The following RASGRF2 variants were observed in gnomAD, a reference collection of about 807,000 sequenced individuals.
The protein encoded by RASGRF2 is ras-specific guanine nucleotide-releasing factor 2.
A neutral mutation model predicts 151.0 loss-of-function variants in RASGRF2; 76 were observed. That is an observed-to-expected ratio of 0.50 (90% confidence interval 0.42 to 0.61). The LOEUF is 0.61. RASGRF2 is among the 20% of genes least tolerant of loss of function. RASGRF2 has a pLI of 0.00. For synonymous variants in RASGRF2, 504 were observed against 566.5 expected, an observed-to-expected ratio of 0.89 and a Z score of 1.57; for missense variants, 1,148 against 1,564.6, an observed-to-expected ratio of 0.73 and a Z score of 4.49.
Position 81,001,481 on chromosome 5 carries a change from T to A in RASGRF2, c.288+40455T>A, listed in dbSNP as rs1418731045. 2.0e-5 allele frequency among the ~76,000 whole-genome samples: 3 copies of A among 151,628 alleles called. No homozygotes were observed. The East Asian group carries it at 5.8e-4, about 29-fold the overall frequency. On this transcript the variant is annotated intron_variant, in intron 1 of 26. Transcript: ENST00000265080. ...CTTTTTACATGTAAGTATGTCTGTT[T>A]TCACTGCCATTCTGGGCCTCAGATC...
intron 22 of RASGRF2, among the ~76,000 whole-genome samples, chr5:81,209,372 T>C (rs868792694): frequency 9.9e-5 from 15 of 152,154 alleles, no homozygotes; most frequent in South Asian, 4.1e-4. Flanking sequence ...TTCTGGCCTA[T>C]CCAGGCAACG....
intron 23 of RASGRF2, among the ~76,000 whole-genome samples, chr5:81,215,655 G>T (rs1755720958): frequency 6.6e-6 from 1 of 152,184 alleles, no homozygotes; most frequent in Non-Finnish European, 1.5e-5. Context: ...TTGGCTAAAT[G>T]TGTAGATACA....
intron 3 of RASGRF2, 135 bp downstream of exon 3, chr5:81,068,314 G>A: frequency 1.1e-6 from 1 of 942,612 alleles, no homozygotes; most frequent in South Asian, 2.0e-5. Flanking sequence ...ACGTGGCTGG[G>A]CCTGACCTAG....
rs1169367433 is a variant in RASGRF2 at position 80,960,725 on chromosome 5, T to G, written c.-14T>G. On this transcript the variant is annotated 5_prime_UTR_variant, in exon 1 of 27. Transcript: ENST00000265080. The surrounding 1 kb of genome is among the most constrained non-coding windows in gnomAD (Gnocchi z 5.5). ...GAGACCGGCGGCCACCCGTGAGCCC[T>G]CCGCACCCGCACCATGCAGAAGAGC... is the stretch of plus-strand genomic sequence containing the variant. 3.3e-6 allele frequency: 5 copies of G among 1,531,446 alleles called. No homozygotes were observed. The highest frequency in any genetic ancestry group is 1.8e-5 in the Admixed American group (1 of 54,480). The allele number at this position is 1,531,446 out of a possible 1,614,324, so 94.9% of individuals were successfully genotyped here.
chr5:81,114,319 C>G (rs1388982704), intron 15 of RASGRF2, among the ~76,000 whole-genome samples: 1 of 152,204 alleles, frequency 6.6e-6, no homozygotes, highest in African/African-American at 2.4e-5. Flanking sequence ...TTCTCCTCCT[C>G]CCTTATTTGC....
intron 4 of RASGRF2, among the ~76,000 whole-genome samples, chr5:81,072,794 A>T (rs1162561083): frequency 6.6e-6 from 1 of 152,150 alleles, no homozygotes; most frequent in Non-Finnish European, 1.5e-5. Context: ...TGATCCTCTC[A>T]CCTTAGCCTC....
chr5:81,117,920 C>A (rs1335171433), intron 15 of RASGRF2, among the ~76,000 whole-genome samples: 1 of 152,222 alleles, frequency 6.6e-6, no homozygotes, highest in Non-Finnish European at 1.5e-5. Context: ...GACATTAACT[C>A]TTAAGACTCC....
At chr5:81,013,166 ACT>A (rs1340415836) in intron 1 of RASGRF2, among the ~76,000 whole-genome samples, 2 of 151,866 alleles carry the variant, frequency 1.3e-5, no homozygotes, top group East Asian at 3.9e-4. Flanking sequence ...CAGTCTCCAA[ACT>A]CTGTCTTTCC....
chr5:81,201,475 A>T, intron 19 of RASGRF2, 33 bp downstream of exon 19: 1 of 1,594,176 alleles, frequency 6.3e-7, no homozygotes, highest in Non-Finnish European at 8.6e-7. Flanking sequence ...ACTGGATGAC[A>T]TTGGTTGATT....
At chr5:81,219,147 C>T (rs550174203) in intron 25 of RASGRF2, among the ~76,000 whole-genome samples, 3 of 150,944 alleles carry the variant, frequency 2.0e-5, no homozygotes, top group Admixed American at 6.6e-5. Flanking sequence ...GACATGATCT[C>T]GGCTCACTGC....
At chr5:81,211,781 A>G (rs1029911453) in intron 22 of RASGRF2, among the ~76,000 whole-genome samples, 1 of 152,220 alleles carries the variant, frequency 6.6e-6, no homozygotes, top group Non-Finnish European at 1.5e-5. Context: ...AAATTACGGT[A>G]CTTAGCCTCA....
At chr5:81,172,765 CA>C (rs1217312695) in intron 17 of RASGRF2, among the ~76,000 whole-genome samples, 1 of 152,100 alleles carries the variant, frequency 6.6e-6, no homozygotes, top group Non-Finnish European at 1.5e-5. Flanking sequence ...TTTATGTCAG[CA>C]AAATGCAAGG....
intron 23 of RASGRF2, among the ~76,000 whole-genome samples, chr5:81,212,999 T>C (rs893322347): frequency 1.3e-5 from 2 of 152,214 alleles, no homozygotes; most frequent in African/African-American, 4.8e-5. Context: ...GGCATAATAA[T>C]TTAGATGTGC....
intron 22 of RASGRF2, 67 bp from the exon 23 acceptor site, chr5:81,212,299 C>T: frequency 8.5e-7 from 1 of 1,178,638 alleles, no homozygotes; most frequent in Non-Finnish European, 1.2e-6. Context: ...AGATAATTTA[C>T]ATATTTTGCC....
intron 1 of RASGRF2, among the ~76,000 whole-genome samples, chr5:81,017,147 A>G (rs773333974): frequency 2.0e-4 from 31 of 152,230 alleles, no homozygotes; most frequent in Non-Finnish European, 4.0e-4. Flanking sequence ...GCAGGAGTCC[A>G]GTGTCCTAGG....
At chr5:81,051,293 G>A (rs1751002036) in intron 2 of RASGRF2, among the ~76,000 whole-genome samples, 1 of 152,104 alleles carries the variant, frequency 6.6e-6, no homozygotes, top group South Asian at 2.1e-4. Context: ...TTGGGGGGAA[G>A]TTGTTCTATT....
Position 81,183,394 on chromosome 5 carries a change from G to A in RASGRF2, c.2793+3113G>A, listed in dbSNP as rs1561249299. 3 of 857,996 alleles carry A rather than the reference G, an allele frequency of 3.5e-6. No individual in the cohort carries two copies. The Admixed American group carries it at 1.9e-4, about 53-fold the overall frequency. The allele number at this position is 857,996 out of a possible 1,614,324, so 53.1% of individuals were successfully genotyped here. A position where few individuals can be genotyped will look rare whatever the true frequency, so the allele number is the denominator to read the frequency against. ...AAAGTTGCAGAAGTGTGGGGTTAGG[G>A]GTTGGTTCTCCAGAGAAATAAGAAT... On this transcript the variant is annotated intron_variant, in intron 18 of 26. Transcript: ENST00000265080.
chr5:81,053,380 G>GT (rs1244427490), intron 2 of RASGRF2, among the ~76,000 whole-genome samples: 1 of 149,302 alleles, frequency 6.7e-6, no homozygotes, highest in Non-Finnish European at 1.5e-5. Flanking sequence ...GCGGTGTTTG[G>GT]TTTTTTGCTC....
In RASGRF2 at chr5:80,981,497, G is replaced by A. The variant is rs115836393; in HGVS notation, c.288+20471G>A. 2.0e-3 allele frequency among the ~76,000 whole-genome samples: 312 copies of A among 152,214 alleles called. 2 individuals are homozygous for A. The highest frequency in any genetic ancestry group is 7.1e-3 in the African/African-American group (296 of 41,532). The stretch of plus-strand genomic sequence containing the variant: ...GTTGCTGAGCTCTGAGCACACTGGC[G>A]TGTACTTGTGTGAGTACGTGTGTGT... On this transcript the variant is annotated intron_variant, in intron 1 of 26. Coordinates refer to ENST00000265080, the MANE Select transcript of RASGRF2 (RefSeq NM_006909.3).
Sources: gnomAD v4.1 joint callset for allele counts (sites outside exome capture counted in the v4.1 genomes callset) on GRCh38, gnomAD v4.1.1 for gene constraint, Gnocchi (gnomAD v3.1) non-coding constraint, MANE v1.5 for transcripts, NCBI Gene and HGNC (gene_info 2026-07-23, HGNC 2026-07-21) for gene names.